Variants in DLST observed in about 807,000 individuals in gnomAD.
DLST encodes dihydrolipoamide S-succinyltransferase, also known as dihydrolipoyllysine-residue succinyltransferase component of 2-oxoglutarate dehydrogenase complex, mitochondrial.
Under a neutral mutation model 53.1 loss-of-function variants are expected in DLST, and 17 were observed. The observed-to-expected ratio is 0.32, with a 90% CI of 0.22 to 0.48. The LOEUF is 0.48. Among genes scored for constraint, DLST ranks in the 20% least tolerant of loss-of-function variants. DLST has a pLI of 0.99. For missense variants in DLST, 512 were observed against 583.9 expected, an observed-to-expected ratio of 0.88 and a Z score of 1.27; for synonymous variants, 206 against 204.8, an observed-to-expected ratio of 1.01 and a Z score of -0.05.
chr14:74,894,691 GCC>G (rs750843784), intron 10 of DLST, among the ~76,000 whole-genome samples: 1 of 151,884 alleles, frequency 6.6e-6, no homozygotes, highest in Admixed American at 6.6e-5. Context: ...GAATACAGGC[GCC>G]CCCCACCACG....
Position 74,898,357 on chromosome 14 carries a change from A to G in DLST, c.771-12A>G. 6.2e-7 allele frequency: 1 copy of G among 1,607,774 alleles called. No homozygotes were observed. The highest frequency in any genetic ancestry group is 8.5e-7 in the Non-Finnish European group (1 of 1,178,036). ...GGCTTTGTGGTCAGTTTGTTTTGTA[A>G]TATTTTCACAGTAACATCCAGGAGA... is the stretch of plus-strand genomic sequence containing the variant. On this transcript the variant is annotated splice_polypyrimidine_tract_variant and intron_variant, in intron 10 of 14. Coordinates refer to ENST00000334220, the MANE Select transcript of DLST (RefSeq NM_001933.5).
intron 7 of DLST, 80 bp from the exon 8 acceptor site, chr14:74,892,754 A>G: frequency 2.1e-6 from 3 of 1,427,682 alleles, no homozygotes; most frequent in Non-Finnish European, 1.9e-6. Flanking sequence ...GATTGGAGCT[A>G]GAGTTTTTGC....
rs188678699 is a variant in DLST at position 74,894,243 on chromosome 14, C to G, written c.673-69C>G. ...CTACTCGTGGCAAGCCGTGTTCTTTCTGACTACACGGGGAATGCTTGACCC... is the reference window on the plus strand; with the variant it reads ...CTACTCGTGGCAAGCCGTGTTCTTTGTGACTACACGGGGAATGCTTGACCC... On this transcript the variant is annotated intron_variant, in intron 9 of 14. Coordinates refer to ENST00000334220, the MANE Select transcript of DLST (RefSeq NM_001933.5). The G allele has an allele frequency of 1.9e-6, 3 of 1,576,812 alleles. No homozygotes were observed. In the Middle Eastern group the frequency reaches 5.5e-4, roughly 287 times the overall value.
intron 3 of DLST, among the ~76,000 whole-genome samples, chr14:74,887,424 G>A (rs1454298465): frequency 2.6e-5 from 4 of 152,134 alleles, no homozygotes; most frequent in Non-Finnish European, 5.9e-5. Context: ...AGTAAATAAT[G>A]AAGAAAAAGT....
chr14:74,882,120 C>G, intron 1 of DLST, 104 bp downstream of exon 1: 1 of 1,126,876 alleles, frequency 8.9e-7, no homozygotes, highest in Non-Finnish European at 1.2e-6. Flanking sequence ...GGCCGGGCAC[C>G]AAGGGCACTG....
chr14:74,893,363 C>T lies in DLST; in HGVS notation c.611C>T (p.Pro204Leu), dbSNP rs142872233. 0.019 allele frequency: 30,499 copies of T among 1,614,178 alleles called. 357 individuals are homozygous for T. Among genetic ancestry groups the T allele is most frequent in the Middle Eastern group, 0.03 (179 of 6,062 alleles). ...TCATTTTCAGTGTCTGCAGTAAAAC[C>T]CACTGTTGCCCCACCACTAGCTGAG... The part of the protein sequence containing the change: ...PSGKPVSAVK[P>L]TVAPPLAEPG... The change falls in exon 9 of 15, where the codon CCC becomes CTC. Residue 204 changes from proline to leucine, a missense_variant. By Grantham distance (98) the Pro-to-Leu change is moderately conservative. Around this residue, in one of 4 missense-constraint regions of DLST, gnomAD observed 162 missense variants for 162.0 expected, o/e 1.00. Transcript: ENST00000334220.
chr14:74,882,078 G>T, intron 1 of DLST, 62 bp downstream of exon 1: 10 of 1,398,034 alleles, frequency 7.2e-6, no homozygotes, highest in Non-Finnish European at 9.3e-6. Flanking sequence ...CAGAGAGGCG[G>T]CCTGGAAGGC....
chr14:74,885,683 A>G (rs1473898864), intron 3 of DLST, 49 bp downstream of exon 3: 1 of 1,527,362 alleles, frequency 6.5e-7, no homozygotes, highest in Non-Finnish European at 8.8e-7. Context: ...TTATTTATTT[A>G]AAGACATAAA....
At chr14:74,891,262 C>A in intron 7 of DLST, 95 bp downstream of exon 7, 2 of 1,561,200 alleles carry the variant, frequency 1.3e-6, no homozygotes, top group South Asian at 1.2e-5. Context: ...GTCAAAGACT[C>A]TTGTCATTCC....
Position 74,899,989 on chromosome 14 carries a change from C to A in DLST, c.968C>A (p.Thr323Asn). 1.9e-6 allele frequency: 3 copies of A among 1,613,248 alleles called. No individual in the cohort carries two copies. The highest frequency in any genetic ancestry group is 2.5e-6 in the Non-Finnish European group (3 of 1,179,450). The change falls in exon 12 of 15, where the codon ACC becomes AAC. Residue 323 changes from threonine (T) to asparagine (N), a missense_variant. Physicochemically the swap from Thr to Asn is moderately conservative, Grantham distance 65. Around this residue, in one of 4 missense-constraint regions of DLST, gnomAD observed 186 missense variants for 260.4 expected, o/e 0.71. Coordinates refer to ENST00000334220, the MANE Select transcript of DLST (RefSeq NM_001933.5). ...DYIDISVAVA[T>N]PRGLVVPVIR... Reference sequence around the variant, plus strand: ...ATTGACATCAGTGTTGCAGTGGCCACCCCACGGGTATGTTGGGGCAGGAGG... The same window carrying A: ...ATTGACATCAGTGTTGCAGTGGCCAACCCACGGGTATGTTGGGGCAGGAGG...
intron 1 of DLST, 40 bp from the exon 2 acceptor site, chr14:74,882,551 T>C (rs934575095): frequency 1.1e-5 from 18 of 1,610,422 alleles, no homozygotes; most frequent in Admixed American, 1.7e-5. Flanking sequence ...GGTTTTTTTT[T>C]CATCTTGGGT....
chr14:74,901,303 T>G, intron 14 of DLST, 70 bp downstream of exon 14: 1 of 1,416,828 alleles, frequency 7.1e-7, no homozygotes, highest in Non-Finnish European at 9.7e-7. Context: ...TAAATGCTAA[T>G]TGTAAAACAT....
chr14:74,892,051 T>A (rs1883927436), intron 7 of DLST: 1 of 176,030 alleles, frequency 5.7e-6, no homozygotes. Context: ...TCATCCTGGA[T>A]GAAGTGCTTT....
At chr14:74,884,864 TAAG>T (rs1022191487) in intron 2 of DLST, among the ~76,000 whole-genome samples, 35 of 152,112 alleles carry the variant, frequency 2.3e-4, no homozygotes, top group Non-Finnish European at 1.8e-4. Context: ...AAAAAAGACA[TAAG>T]AAAGAATTCA....
At chr14:74,885,469 CG>C in intron 2 of DLST, 116 bp from the exon 3 acceptor site, 1 of 1,027,286 alleles carries the variant, frequency 9.7e-7, no homozygotes, top group Non-Finnish European at 1.5e-6. Context: ...AGATTATATC[CG>C]TTGCCGTTGA....
At chr14:74,900,967 C>A in intron 13 of DLST, 99 bp from the exon 14 acceptor site, 3 of 1,366,950 alleles carry the variant, frequency 2.2e-6, no homozygotes, top group South Asian at 1.3e-5. Flanking sequence ...CTCAAGCAGT[C>A]CTCCTGCCTC....
intron 10 of DLST, among the ~76,000 whole-genome samples, chr14:74,896,032 GT>G (rs1198041105): frequency 1.3e-5 from 2 of 152,160 alleles, no homozygotes; most frequent in East Asian, 3.9e-4. Context: ...AATTTTTTTA[GT>G]TTTTGTAGAG....
chr14:74,894,330 C>T lies in DLST; in HGVS notation c.691C>T (p.Arg231Trp). ...CTTTCAGGAGAAAATGAACAGGATG[C>T]GGCAGCGCATTGCTCAGCGTCTGAA... is the stretch of plus-strand genomic sequence containing the variant. ...SEHREKMNRM[R>W]QRIAQRLKEA... The change falls in exon 10 of 15, where the codon CGG becomes TGG. Residue 231 changes from arginine (R) to tryptophan (W), a missense_variant. Arg to Trp is a moderately radical substitution (Grantham distance 101, BLOSUM62 -3). This residue lies in a region of DLST where 162 missense variants were observed against 162.0 expected (regional missense o/e 1.00). Transcript: ENST00000334220. The T allele has an allele frequency of 3.7e-6, 6 of 1,613,986 alleles. No homozygotes were observed. Among genetic ancestry groups the T allele is most frequent in the South Asian group, 1.1e-5 (1 of 91,054 alleles).
chr14:74,885,602 G>A lies in DLST; in HGVS notation c.114G>A (p.Gln38=), dbSNP rs144519222. 5 of 1,613,912 alleles carry A rather than the reference G, an allele frequency of 3.1e-6. No homozygotes were observed. The highest frequency in any genetic ancestry group is 1.7e-5 in the Admixed American group (1 of 59,998). Residue 38 remains glutamine, a synonymous_variant, in exon 3 of 15, where the codon CAG becomes CAA. Coordinates refer to ENST00000334220, the MANE Select transcript of DLST (RefSeq NM_001933.5). ...RRSLPGVSLC[Q]GPGYPNSRKV... ...TTCTTGCAGGGGTCTCCTTATGCCA[G>A]GGACCAGGTTACCCTAACAGCAGGA...
Sources: gnomAD v4.1 joint callset for allele counts (sites outside exome capture counted in the v4.1 genomes callset) on GRCh38, gnomAD v4.1.1 for gene constraint, gnomAD v4.1.1 regional missense constraint, MANE v1.5 for transcripts, NCBI Gene and HGNC (gene_info 2026-07-23, HGNC 2026-07-21) for gene names.